The following CYP2B6 variants were observed in gnomAD, a reference collection of about 807,000 sequenced individuals.
The protein encoded by CYP2B6 is cytochrome P450 2B6.
A neutral mutation model predicts 43.4 loss-of-function variants in CYP2B6; 35 were observed. The observed-to-expected ratio is 0.81, with a 90% CI of 0.62 to 1.07. The LOEUF (loss-of-function observed/expected upper bound fraction) is 1.07. Ranked by LOEUF, CYP2B6 falls within the 50% of genes least tolerant of loss-of-function variation. The probability of loss-of-function intolerance (pLI) is 0.00; values close to 1 mark genes in which losing one functional copy is unlikely to be tolerated. For missense variants in CYP2B6, 624 were observed against 632.8 expected (o/e 0.99, Z 0.15); for synonymous variants, 239 against 239.2 (o/e 1.00, Z 0.01).
rs142073892 is a variant in CYP2B6 at position 41,017,102 on chromosome 19, G to A, written c.*275G>A. The stretch of plus-strand genomic sequence containing the variant: ...CTGTTGCCCAGGCTGGAGTGCAGTG[G>A]CGTGATCTCGGCTCACTGCAACCTC... On this transcript the variant is annotated 3_prime_UTR_variant, in exon 9 of 9. Transcript: ENST00000324071. The A allele has an allele frequency of 6.6e-5, 16 of 244,226 alleles. No individual in the cohort carries two copies. In the East Asian group the frequency reaches 1.2e-3, roughly 19 times the overall value. 15.1% of individuals were successfully genotyped at this position (244,226 alleles called of 1,614,324 possible). A position where few individuals can be genotyped will look rare whatever the true frequency, so the allele number is the denominator to read the frequency against.
intron 1 of CYP2B6, among the ~76,000 whole-genome samples, chr19:40,996,415 C>G (rs755455065): frequency 6.6e-6 from 1 of 152,048 alleles, no homozygotes; most frequent in African/African-American, 2.4e-5. Flanking sequence ...CTTTTATCTA[C>G]GGTTATGGCA....
At chr19:40,993,556 A>C (rs1003974567) in intron 1 of CYP2B6, among the ~76,000 whole-genome samples, 2 of 152,004 alleles carry the variant, frequency 1.3e-5, no homozygotes, top group African/African-American at 4.8e-5. Context: ...CATGGGGGAA[A>C]CCGCCCCCAG....
At chr19:41,013,441 C>G (rs184853378) in intron 8 of CYP2B6, among the ~76,000 whole-genome samples, 187 of 152,282 alleles carry the variant, frequency 1.2e-3, no homozygotes, top group African/African-American at 4.4e-3. Flanking sequence ...TCCAAGCTAA[C>G]ATGTTCATGG....
In CYP2B6 at chr19:41,001,414, G is replaced by T. The variant is rs1348445835; in HGVS notation, c.172-2587G>T. Among the ~76,000 whole-genome samples, 3 of 152,096 alleles carry T rather than the reference G, an allele frequency of 2.0e-5. No homozygotes were observed. The East Asian group carries it at 5.8e-4, about 29-fold the overall frequency. ...GTAAAGAGGGAGGGCATGAGCAAGT[G>T]TGCATCAGGGCTGAGGAAGGTGGCG... On this transcript the variant is annotated intron_variant, in intron 1 of 8. Transcript: ENST00000324071.
intron 1 of CYP2B6, among the ~76,000 whole-genome samples, chr19:41,001,003 C>T (rs1159940154): frequency 1.3e-5 from 2 of 151,932 alleles, no homozygotes; most frequent in Admixed American, 6.6e-5. Context: ...TGCATCATTG[C>T]ACTCCATCAT....
chr19:41,016,174 T>A (rs1373051113), intron 8 of CYP2B6, among the ~76,000 whole-genome samples: 1 of 151,870 alleles, frequency 6.6e-6, no homozygotes, highest in African/African-American at 2.4e-5. Context: ...GGCAGGTGGA[T>A]TATCTGAGGT....
chr19:40,997,781 T>C (rs1323252503), intron 1 of CYP2B6, among the ~76,000 whole-genome samples: 2 of 152,024 alleles, frequency 1.3e-5, no homozygotes, highest in African/African-American at 4.8e-5. Flanking sequence ...TTAGATAAGA[T>C]GTTGTTTGGG....
Position 41,012,846 on chromosome 19 carries a change from C to T in CYP2B6, c.1294+31C>T, listed in dbSNP as rs1202884818. 4 of 1,613,130 alleles carry T rather than the reference C, an allele frequency of 2.5e-6. No homozygotes were observed. In the Admixed American group the frequency reaches 5.0e-5, roughly 20 times the overall value. ...CTGGACCCACAATTTCTTTCCCAGA[C>T]ACCAGAGGGCAGGTACTATCCCCAA... On this transcript the variant is annotated intron_variant, in intron 8 of 8. Coordinates refer to ENST00000324071, the MANE Select transcript of CYP2B6 (RefSeq NM_000767.5).
chr19:41,016,975 A>G lies in CYP2B6; in HGVS notation c.*148A>G. The G allele has an allele frequency of 1.4e-6, 1 of 729,744 alleles. No individual in the cohort carries two copies. Among genetic ancestry groups the G allele is most frequent in the Non-Finnish European group, 2.2e-6 (1 of 444,666 alleles). 45.2% of individuals were successfully genotyped at this position (729,744 alleles called of 1,614,324 possible). A position where few individuals can be genotyped will look rare whatever the true frequency, so the allele number is the denominator to read the frequency against. ...TCCCCTCCATGGCACCAGTTGTCTG[A>G]GGTCACATTGCAAGTGAGTGCAGGA... is the stretch of plus-strand genomic sequence containing the variant. On this transcript the variant is annotated 3_prime_UTR_variant, in exon 9 of 9. Transcript: ENST00000324071.
intron 3 of CYP2B6, among the ~76,000 whole-genome samples, chr19:41,005,543 G>C (rs1164907126): frequency 6.6e-6 from 1 of 152,080 alleles, no homozygotes; most frequent in Non-Finnish European, 1.5e-5. Flanking sequence ...CACTTTGGGA[G>C]GCTGAGGCTG....
intron 8 of CYP2B6, among the ~76,000 whole-genome samples, chr19:41,015,476 G>A (rs1165248760): frequency 2.0e-5 from 3 of 152,152 alleles, no homozygotes; most frequent in Non-Finnish European, 4.4e-5. Flanking sequence ...ACTTGACATG[G>A]CCTTTCCAAG....
chr19:41,012,227 G>A (rs1272815779), intron 6 of CYP2B6, 71 bp from the exon 7 acceptor site: 7 of 1,477,666 alleles, frequency 4.7e-6, no homozygotes, highest in Non-Finnish European at 4.7e-6. Context: ...TGGGATTACA[G>A]GCATGAGCCA....
intron 1 of CYP2B6, among the ~76,000 whole-genome samples, chr19:40,996,375 G>T (rs1387831293): frequency 1.3e-5 from 2 of 152,088 alleles, no homozygotes; most frequent in African/African-American, 4.8e-5. Flanking sequence ...CTCCAGGAAT[G>T]CCCAGTAAGG....
Position 41,018,036 on chromosome 19 carries a change from G to A in CYP2B6, c.*1209G>A, listed in dbSNP as rs1408921083. ...CCTGGCTAATTTTCTTGTAGTTTTA[G>A]TAGGGACATGTTGGCCAGGCTGGTG... is the stretch of plus-strand genomic sequence containing the variant. On this transcript the variant is annotated 3_prime_UTR_variant, in exon 9 of 9. Coordinates refer to ENST00000324071, the MANE Select transcript of CYP2B6 (RefSeq NM_000767.5). 1 of 152,110 alleles carries A rather than the reference G, an allele frequency of 6.6e-6. No individual in the cohort carries two copies. The highest frequency in any genetic ancestry group is 1.5e-5 in the Non-Finnish European group (1 of 68,004). The allele number at this position is 152,110 out of a possible 1,614,324, so 9.4% of individuals were successfully genotyped here. A position where few individuals can be genotyped will look rare whatever the true frequency, so the allele number is the denominator to read the frequency against.
chr19:40,992,201 C>CAAAAAAAAAAA (rs561830421), intron 1 of CYP2B6, among the ~76,000 whole-genome samples: 13 of 62,578 alleles, frequency 2.1e-4, no homozygotes, highest in African/African-American at 6.5e-4. Context: ...GACTCCTTCT[C>CAAAAAAAAAAA]AAAAAAAAAA....
At chr19:40,996,065 G>A (rs542608662) in intron 1 of CYP2B6, among the ~76,000 whole-genome samples, 86 of 151,968 alleles carry the variant, frequency 5.7e-4, no homozygotes, top group African/African-American at 2.0e-3. Flanking sequence ...TAACCTTATC[G>A]GTCCGGTGAC....
At chr19:41,001,825 A>G (rs111481143) in intron 1 of CYP2B6, among the ~76,000 whole-genome samples, 1 of 152,304 alleles carries the variant, frequency 6.6e-6, no homozygotes, top group East Asian at 1.9e-4. Flanking sequence ...TAAGCAAAAA[A>G]TAAACAGATA....
At position 40,997,651 on chromosome 19, in the gene CYP2B6, A is replaced by C. The variant is rs575540531; in HGVS notation, c.171+6175A>C. 5.3e-4 allele frequency among the ~76,000 whole-genome samples: 81 copies of C among 152,304 alleles called. No homozygotes were observed. In the Middle Eastern group the frequency reaches 0.027, roughly 51 times the overall value. On this transcript the variant is annotated intron_variant, in intron 1 of 8. Coordinates refer to ENST00000324071, the MANE Select transcript of CYP2B6 (RefSeq NM_000767.5). ...TAGTCAAAACATGTGGTCTTTGGTT[A>C]TCAGTTAGACACTGTCACTTTACCT...
At chr19:41,013,721 C>A (rs1969320382) in intron 8 of CYP2B6, among the ~76,000 whole-genome samples, 1 of 152,194 alleles carries the variant, frequency 6.6e-6, no homozygotes, top group Non-Finnish European at 1.5e-5. Context: ...ATCCTCTACT[C>A]TTTGGCTGGT....
Sources: gnomAD v4.1 joint callset for allele counts (sites outside exome capture counted in the v4.1 genomes callset) on GRCh38, gnomAD v4.1.1 for gene constraint, MANE v1.5 for transcripts, NCBI Gene and HGNC (gene_info 2026-07-23, HGNC 2026-07-21) for gene names.